Variants in LRP1 observed in about 807,000 individuals in gnomAD.
LRP1 encodes LDL receptor related protein 1.
Under a neutral mutation model 541.5 loss-of-function variants are expected in LRP1, and 51 were observed. The observed-to-expected ratio is 0.09, with a 90% CI of 0.08 to 0.12. The LOEUF is 0.12. Among genes scored for constraint, LRP1 ranks in the 10% least tolerant of loss-of-function variants. The pLI is 1.00. For missense variants in LRP1, 3,878 were observed against 6,376.2 expected (o/e 0.61, Z 13.34); for synonymous variants, 2,219 against 2,470.8 (o/e 0.90, Z 3.02).
Position 57,183,488 on chromosome 12 carries a change from T to A in LRP1, c.5772T>A (p.Ala1924=). 6.2e-7 allele frequency: 1 copy of A among 1,613,960 alleles called. No individual in the cohort carries two copies. Among genetic ancestry groups the A allele is most frequent in the Non-Finnish European group, 8.5e-7 (1 of 1,179,854 alleles). Residue 1924 remains alanine (A), a synonymous_variant, in exon 35 of 89, where the codon GCT becomes GCA. Transcript: ENST00000243077. This position sits in a 1 kb window ranked among gnomAD's most constrained non-coding sequence, Gnocchi z 6.1. The part of the protein sequence containing the change: ...ALVPVSGTSL[A]VGIDFHAEND... ...TCCCAGTGTCCGGGACCTCGCTGGC[T>A]GTCGGCATCGACTTCCACGCTGGTG...
rs146411098 is a variant in LRP1 at position 57,193,630 on chromosome 12, G to A, written c.7749G>A (p.Leu2583=). 1.7e-5 allele frequency: 28 copies of A among 1,614,090 alleles called. No individual in the cohort carries two copies. In the African/African-American group the frequency reaches 3.7e-4, roughly 22 times the overall value. The change falls in exon 47 of 89, where the codon CTG becomes CTA. Residue 2583 remains leucine, a synonymous_variant. Coordinates refer to ENST00000243077, the MANE Select transcript of LRP1 (RefSeq NM_002332.3). ...CSNGRCVSNM[L]WCNGADDCGD... is the part of the protein sequence containing the mutation. ...ATGGGCGCTGTGTGTCCAACATGCT[G>A]TGGTGCAACGGGGCCGACGACTGTG...
At chr12:57,146,882 G>T (rs1157040609) in intron 6 of LRP1, among the ~76,000 whole-genome samples, 6 of 152,208 alleles carry the variant, frequency 3.9e-5, no homozygotes, top group African/African-American at 1.2e-4. Context: ...CCTGTTCCTT[G>T]TCCACTGACC....
intron 10 of LRP1, among the ~76,000 whole-genome samples, chr12:57,157,536 G>T (rs1384606867): frequency 6.6e-6 from 1 of 152,206 alleles, no homozygotes; most frequent in Non-Finnish European, 1.5e-5. Flanking sequence ...ACTTGAACCT[G>T]GGAGGTGGAG....
Position 57,183,576 on chromosome 12 carries a change from C to T in LRP1, c.5794+66C>T, listed in dbSNP as rs1308326477. On this transcript the variant is annotated intron_variant, in intron 35 of 88. Transcript: ENST00000243077. This position sits in a 1 kb window ranked among gnomAD's most constrained non-coding sequence, Gnocchi z 6.1. ...GAGCTTTAGGGGTGGTGTGGTGTGCCCTGAGGGTCCAGTGAGAGGCTGCCT... is the reference window on the plus strand; with the variant it reads ...GAGCTTTAGGGGTGGTGTGGTGTGCTCTGAGGGTCCAGTGAGAGGCTGCCT... The T allele has an allele frequency of 1.3e-6, 2 of 1,555,496 alleles. No individual in the cohort carries two copies. The highest frequency in any genetic ancestry group is 1.7e-6 in the Non-Finnish European group (2 of 1,147,188).
Position 57,201,488 on chromosome 12 carries a change from A to C in LRP1, c.10346-9A>C, listed in dbSNP as rs1257532386. The C allele has an allele frequency of 1.2e-6, 2 of 1,603,432 alleles. No homozygotes were observed. The stretch of plus-strand genomic sequence containing the variant: ...AGGGAGGGCCCTCATTCTCTTGCCC[A>C]CCCCACAGCCGAGGTGACCTGCGCC... On this transcript the variant is annotated splice_polypyrimidine_tract_variant and intron_variant, in intron 65 of 88. Coordinates refer to ENST00000243077, the MANE Select transcript of LRP1 (RefSeq NM_002332.3). This position sits in a 1 kb window ranked among gnomAD's most constrained non-coding sequence, Gnocchi z 6.4.
intron 60 of LRP1, 46 bp downstream of exon 60, chr12:57,198,716 G>A (rs1045867374): frequency 6.5e-7 from 1 of 1,544,696 alleles, no homozygotes. Context: ...ACTCAGTGGG[G>A]ATGGAGGTCT....
In LRP1 at chr12:57,185,218, C is replaced by A. The variant is rs1245807371; in HGVS notation, c.6463+13C>A. The A allele has an allele frequency of 1.9e-6, 3 of 1,613,716 alleles. No homozygotes were observed. Among genetic ancestry groups the A allele is most frequent in the Non-Finnish European group, 2.5e-6 (3 of 1,179,864 alleles). ...GACCGGCAGAAAGGTGAGGCTGGGG[C>A]TCTGGGCTGGGGTGGAGAGGTGAGG... On this transcript the variant is annotated intron_variant, in intron 40 of 88. Transcript: ENST00000243077. This position sits in a 1 kb window ranked among gnomAD's most constrained non-coding sequence, Gnocchi z 4.9.
chr12:57,150,336 T>C (rs1293151040), intron 6 of LRP1, among the ~76,000 whole-genome samples: 1 of 151,732 alleles, frequency 6.6e-6, no homozygotes, highest in African/African-American at 2.4e-5. Context: ...GGACTACAGG[T>C]GCCCGCCACC....
rs1334741697 is a variant in LRP1, at chr12:57,210,379, C to T, written c.12653C>T (p.Pro4218Leu). 6.2e-7 allele frequency: 1 copy of T among 1,606,310 alleles called. No individual in the cohort carries two copies. Among genetic ancestry groups the T allele is most frequent in the East Asian group, 2.2e-5 (1 of 44,808 alleles). ...TGTTTCCTCAATGCACGGAGGCAGC[C>T]CAAGTGCCGCTGCCAACCCCGCTAC... ...GSCFLNARRQPKCRCQPRYTG... is the reference protein window; with the variant it reads ...GSCFLNARRQLKCRCQPRYTG... The change falls in exon 82 of 89, where the codon CCC becomes CTC. Residue 4218 changes from proline (P) to leucine (L), a missense_variant. Physicochemically the swap from Pro to Leu is moderately conservative, Grantham distance 98. Around this residue, in one of 13 missense-constraint regions of LRP1, gnomAD observed 871 missense variants for 1,212.4 expected, o/e 0.72. Coordinates refer to ENST00000243077, the MANE Select transcript of LRP1 (RefSeq NM_002332.3).
At chr12:57,191,032 C>T (rs34828300) in intron 43 of LRP1, 23 bp downstream of exon 43, 82 of 1,598,086 alleles carry the variant, frequency 5.1e-5, no homozygotes, top group Non-Finnish European at 6.6e-5. Flanking sequence ...GGTGGGTGAG[C>T]TGGCGGGCGG....
rs557184106 is a variant in LRP1 at position 57,134,275 on chromosome 12, T to C, written c.68-4184T>C. Among the ~76,000 whole-genome samples the C allele has an allele frequency of 3.3e-5, 5 of 152,250 alleles. No homozygotes were observed. The South Asian group carries it at 1.0e-3, about 32-fold the overall frequency. ...CCTTCCTCTCTAGATCTCTCCTTCTTCTTCTCCTGCCTGTCTTCCCCTTCT... is the reference window on the plus strand; with the variant it reads ...CCTTCCTCTCTAGATCTCTCCTTCTCCTTCTCCTGCCTGTCTTCCCCTTCT... On this transcript the variant is annotated intron_variant, in intron 1 of 88. Coordinates refer to ENST00000243077, the MANE Select transcript of LRP1 (RefSeq NM_002332.3).
chr12:57,187,516 C>T (rs2036294082), intron 42 of LRP1, 60 bp downstream of exon 42: 1 of 1,540,272 alleles, frequency 6.5e-7, no homozygotes, highest in African/African-American at 1.4e-5. Flanking sequence ...GTGGCAGAAA[C>T]TCCCCAGGCA....
Position 57,128,722 on chromosome 12 carries a change from G to T in LRP1, c.-243G>T. 2.4e-6 allele frequency: 1 copy of T among 418,902 alleles called. No individual in the cohort carries two copies. The highest frequency in any genetic ancestry group is 7.6e-5 in the South Asian group (1 of 13,236). The allele number at this position is 418,902 out of a possible 1,614,324, so 25.9% of individuals were successfully genotyped here. A position where few individuals can be genotyped will look rare whatever the true frequency, so the allele number is the denominator to read the frequency against. On this transcript the variant is annotated 5_prime_UTR_variant, in exon 1 of 89. Coordinates refer to ENST00000243077, the MANE Select transcript of LRP1 (RefSeq NM_002332.3). ...AAGAGCAGCGAGGAGTGAAGCGGGG[G>T]GGTGGGGTGAAGGGTTTGGATTTCG...
rs746656868 is a variant in LRP1, at chr12:57,185,797, C to T, written c.6730C>T (p.Arg2244Trp). The T allele has an allele frequency of 3.1e-6, 5 of 1,614,214 alleles. No individual in the cohort carries two copies. The highest frequency in any genetic ancestry group is 4.2e-6 in the Non-Finnish European group (5 of 1,180,046). The change falls in exon 41 of 89, where the codon CGG becomes TGG. Residue 2244 changes from arginine (R) to tryptophan (W), a missense_variant. By Grantham distance (101) the Arg-to-Trp change is moderately radical. Transcript: ENST00000243077. The surrounding 1 kb of genome is among the most constrained non-coding windows in gnomAD (Gnocchi z 4.9). Reference protein sequence around the residue: ...KNVIALAFDYRAGTSPGTPNR... With the variant: ...KNVIALAFDYWAGTSPGTPNR... ...CGTCATCGCCCTGGCCTTTGACTAC[C>T]GGGCAGGCACCTCTCCGGGCACCCC...
rs1565722842 is a variant in LRP1 at position 57,156,100 on chromosome 12, C to T, written c.1234C>T (p.His412Tyr). 1 of 1,613,730 alleles carries T rather than the reference C, an allele frequency of 6.2e-7. No homozygotes were observed. The highest frequency in any genetic ancestry group is 2.2e-5 in the East Asian group (1 of 44,876). Residue 412 changes from histidine to tyrosine, a missense_variant, in exon 9 of 89, where the codon CAC becomes TAC. By Grantham distance (83) the His-to-Tyr change is moderately conservative. Around this residue, in one of 13 missense-constraint regions of LRP1, gnomAD observed 496 missense variants for 861.0 expected, o/e 0.58. Transcript: ENST00000243077. The surrounding 1 kb of genome is among the most constrained non-coding windows in gnomAD (Gnocchi z 5.2). The part of the protein sequence containing the change: ...QTIIQGILIE[H>Y]LYGLTVFENY... ...TCTTGCCTGCCCGTCTCAGATTGAG[C>T]ACCTGTACGGCCTGACTGTGTTTGA...
chr12:57,143,179 C>T (rs1308082953), intron 3 of LRP1, among the ~76,000 whole-genome samples: 1 of 152,182 alleles, frequency 6.6e-6, no homozygotes, highest in Non-Finnish European at 1.5e-5. Flanking sequence ...GGGCCTTAGG[C>T]CTTCTCTCTG....
chr12:57,144,669 G>A lies in LRP1; in HGVS notation c.449-303G>A, dbSNP rs117123088. 1,613 of 392,806 alleles carry A rather than the reference G, an allele frequency of 4.1e-3. 36 individuals carry two copies. The highest frequency in any genetic ancestry group is 0.034 in the Admixed American group (892 of 26,110). 24.3% of individuals were successfully genotyped at this position (392,806 alleles called of 1,614,324 possible). On this transcript the variant is annotated intron_variant, in intron 4 of 88. Transcript: ENST00000243077. ...TATTATCTGAATATAAGTTTCATGA[G>A]GACAGCAATGTGGGTCTATTTTAAA...
Position 57,173,089 on chromosome 12 carries a change from G to T in LRP1, c.3164-79G>T. On this transcript the variant is annotated intron_variant, in intron 20 of 88. Transcript: ENST00000243077. This position sits in a 1 kb window ranked among gnomAD's most constrained non-coding sequence, Gnocchi z 4.7. ...CTCATATCCCCAGGCTGGGCTTACC[G>T]GGGTGGCAGGGCACAGGGATGAGGA... is the stretch of plus-strand genomic sequence containing the variant. 8.0e-7 allele frequency: 1 copy of T among 1,252,978 alleles called. No individual in the cohort carries two copies. The highest frequency in any genetic ancestry group is 1.1e-6 in the Non-Finnish European group (1 of 904,598). 77.6% of individuals were successfully genotyped at this position (1,252,978 alleles called of 1,614,324 possible). A position where few individuals can be genotyped will look rare whatever the true frequency, so the allele number is the denominator to read the frequency against.
At chr12:57,142,072 C>T (rs940130044) in intron 3 of LRP1, among the ~76,000 whole-genome samples, 1 of 152,104 alleles carries the variant, frequency 6.6e-6, no homozygotes, top group Admixed American at 6.5e-5. Flanking sequence ...CCATCCAGGC[C>T]GAGGTGGGAA....
Sources: gnomAD v4.1 joint callset for allele counts (sites outside exome capture counted in the v4.1 genomes callset) on GRCh38, gnomAD v4.1.1 for gene constraint, gnomAD v4.1.1 regional missense constraint, Gnocchi (gnomAD v3.1) non-coding constraint, MANE v1.5 for transcripts, NCBI Gene and HGNC (gene_info 2026-07-23, HGNC 2026-07-21) for gene names.